Variants in PPM1L observed in about 807,000 individuals in gnomAD.
PPM1L encodes protein phosphatase, Mg2+/Mn2+ dependent 1L, also known as protein phosphatase 1L.
PPM1L carries 13 observed loss-of-function variants against 31.4 expected under a neutral mutation model. The ratio of observed to expected loss-of-function variants is 0.41; its 90% CI spans 0.27 to 0.66. The LOEUF is 0.66. PPM1L is among the 30% of genes least tolerant of loss of function. PPM1L has a pLI of 0.29. For missense variants in PPM1L, 326 were observed against 453.7 expected (o/e 0.72, Z 2.56); for synonymous variants, 184 against 175.4 (o/e 1.05, Z -0.39).
intron 1 of PPM1L, among the ~76,000 whole-genome samples, chr3:160,860,753 C>T (rs1711857245): frequency 6.6e-6 from 1 of 152,172 alleles, no homozygotes; most frequent in Non-Finnish European, 1.5e-5. Context: ...GATCAAGGTG[C>T]TGGCAGATCT....
chr3:161,016,611 C>A (rs1718094797), intron 2 of PPM1L, among the ~76,000 whole-genome samples: 1 of 152,248 alleles, frequency 6.6e-6, no homozygotes, highest in East Asian at 1.9e-4. Flanking sequence ...TGAGGAACTC[C>A]TTGCCAGAAA....
intron 2 of PPM1L, among the ~76,000 whole-genome samples, chr3:160,973,032 AATCAC>A (rs1468542177): frequency 1.3e-5 from 2 of 152,208 alleles, no homozygotes; most frequent in Admixed American, 1.3e-4. Flanking sequence ...TATTTTAAAA[AATCAC>A]ATTCCCCAAC....
chr3:160,777,465 A>G (rs1187560951), intron 1 of PPM1L, among the ~76,000 whole-genome samples: 3 of 152,198 alleles, frequency 2.0e-5, no homozygotes, highest in East Asian at 3.8e-4. Flanking sequence ...ATAGCTATCT[A>G]GAAGTTTTTT....
intron 2 of PPM1L, among the ~76,000 whole-genome samples, chr3:160,966,713 T>C (rs1410903016): frequency 1.3e-5 from 2 of 152,086 alleles, no homozygotes; most frequent in Admixed American, 1.3e-4. Context: ...GGGAAGGGGA[T>C]GATACTTGGA....
At chr3:160,919,400 G>A (rs1023093812) in intron 1 of PPM1L, among the ~76,000 whole-genome samples, 2 of 152,064 alleles carry the variant, frequency 1.3e-5, no homozygotes, top group Non-Finnish European at 2.9e-5. Context: ...TGACAATGTT[G>A]TCTTAAATAT....
intron 1 of PPM1L, among the ~76,000 whole-genome samples, chr3:160,932,499 G>A (rs1274135821): frequency 6.6e-6 from 1 of 152,172 alleles, no homozygotes; most frequent in Non-Finnish European, 1.5e-5. Flanking sequence ...CTGCCTCACT[G>A]CTTCTCAGAA....
At chr3:160,933,169 T>G (rs912653491) in intron 1 of PPM1L, among the ~76,000 whole-genome samples, 2 of 152,230 alleles carry the variant, frequency 1.3e-5, no homozygotes, top group Non-Finnish European at 2.9e-5. Context: ...TTGCCTTGTA[T>G]TATATGCCAT....
intron 2 of PPM1L, among the ~76,000 whole-genome samples, chr3:160,989,389 T>TTTA (rs1717059499): frequency 1.3e-5 from 2 of 151,584 alleles, no homozygotes; most frequent in Non-Finnish European, 2.9e-5. Flanking sequence ...TTATTTATTA[T>TTTA]TTATTATTAT....
chr3:161,077,134 T>C lies in PPM1L; in HGVS notation c.*7977T>C, dbSNP rs1426121273. 6.6e-6 allele frequency: 1 copy of C among 152,114 alleles called. No homozygotes were observed. Among genetic ancestry groups the C allele is most frequent in the Admixed American group, 6.5e-5 (1 of 15,270 alleles). 9.4% of individuals were successfully genotyped at this position (152,114 alleles called of 1,614,324 possible). On this transcript the variant is annotated 3_prime_UTR_variant, in exon 4 of 4. Transcript: ENST00000498165. ...CAATATTGACCCAATGGGATGAAAATTGTTATCTTCATGATTTCTTCCAAT... is the reference window on the plus strand; with the variant it reads ...CAATATTGACCCAATGGGATGAAAACTGTTATCTTCATGATTTCTTCCAAT...
intron 1 of PPM1L, among the ~76,000 whole-genome samples, chr3:160,840,774 A>AAGAGAGAGAGAGAGG (rs1560122369): frequency 4.4e-5 from 6 of 134,934 alleles, no homozygotes; most frequent in Non-Finnish European, 9.8e-5. Flanking sequence ...GAGAGAGAGA[A>AAGAGAGAGAGAGAGG]AGAGAGAGAG....
intron 1 of PPM1L, among the ~76,000 whole-genome samples, chr3:160,772,799 T>C (rs1193883074): frequency 3.3e-5 from 5 of 152,230 alleles, no homozygotes; most frequent in Admixed American, 1.3e-4. Context: ...TGTAAAACTT[T>C]ATATAAATAG....
intron 1 of PPM1L, among the ~76,000 whole-genome samples, chr3:160,851,956 CAA>C (rs1177684445): frequency 6.6e-6 from 1 of 152,140 alleles, no homozygotes; most frequent in Non-Finnish European, 1.5e-5. Context: ...TTTTTCCCCT[CAA>C]AGAGTAGATA....
At chr3:160,914,186 A>T (rs1040125236) in intron 1 of PPM1L, among the ~76,000 whole-genome samples, 1 of 152,194 alleles carries the variant, frequency 6.6e-6, no homozygotes, top group Non-Finnish European at 1.5e-5. Context: ...GGTGACTACT[A>T]ATATGCTTGG....
intron 2 of PPM1L, among the ~76,000 whole-genome samples, chr3:160,976,690 A>G (rs1288757323): frequency 6.6e-6 from 1 of 152,122 alleles, no homozygotes; most frequent in Non-Finnish European, 1.5e-5. Flanking sequence ...CTCTGATGGT[A>G]GTTTGTATTT....
At chr3:160,948,545 T>C (rs1357975671) in intron 1 of PPM1L, among the ~76,000 whole-genome samples, 1 of 152,098 alleles carries the variant, frequency 6.6e-6, no homozygotes, top group Admixed American at 6.6e-5. Flanking sequence ...CACAGGTCAT[T>C]TTGTGGCCTG....
At chr3:160,865,136 A>G (rs1712044544) in intron 1 of PPM1L, among the ~76,000 whole-genome samples, 1 of 152,210 alleles carries the variant, frequency 6.6e-6, no homozygotes, top group Non-Finnish European at 1.5e-5. Context: ...GAGCTCAGGC[A>G]TTCTGGGAAA....
intron 2 of PPM1L, among the ~76,000 whole-genome samples, chr3:161,015,772 G>A (rs892029446): frequency 3.9e-5 from 6 of 152,176 alleles, no homozygotes; most frequent in African/African-American, 9.7e-5. Flanking sequence ...GTGTGTGCAG[G>A]CAGCCTCTAA....
chr3:160,936,084 A>G (rs553886871), intron 1 of PPM1L, among the ~76,000 whole-genome samples: 16 of 152,208 alleles, frequency 1.1e-4, no homozygotes, highest in African/African-American at 3.1e-4. Context: ...TTCTGTTAAC[A>G]ATTATAAGGG....
At chr3:160,923,760 A>G (rs1714496883) in intron 1 of PPM1L, among the ~76,000 whole-genome samples, 1 of 152,234 alleles carries the variant, frequency 6.6e-6, no homozygotes, top group Non-Finnish European at 1.5e-5. Flanking sequence ...ATATGCCCCA[A>G]GAATGATTCT....
Sources: gnomAD v4.1 joint callset for allele counts (sites outside exome capture counted in the v4.1 genomes callset) on GRCh38, gnomAD v4.1.1 for gene constraint, MANE v1.5 for transcripts, NCBI Gene and HGNC (gene_info 2026-07-23, HGNC 2026-07-21) for gene names.